Variants in SYNE1 observed in about 807,000 individuals in gnomAD.
The protein encoded by SYNE1 is spectrin repeat containing nuclear envelope protein 1.
A neutral mutation model predicts 1,111.0 loss-of-function variants in SYNE1; 616 were observed. The observed-to-expected ratio is 0.55, with a 90% confidence interval of 0.52 to 0.59. SYNE1 has a LOEUF of 0.59. Ranked by LOEUF, SYNE1 falls within the 20% of genes least tolerant of loss-of-function variation. The pLI, the probability that SYNE1 is intolerant of heterozygous loss-of-function variation, is 0.00. For missense variants in SYNE1, 10,006 were observed against 10,417.0 expected, an observed-to-expected ratio of 0.96 and a Z score of 1.72; for synonymous variants, 3,855 against 3,825.8, an observed-to-expected ratio of 1.01 and a Z score of -0.28.
chr6:152,256,859 A>C lies in SYNE1; in HGVS notation c.18973-94T>G, dbSNP rs760108873. On this transcript the variant is annotated intron_variant, in intron 101 of 145. Transcript: ENST00000367255. ...GCATACTGAAATAGATGCTGAAAAC[A>C]CTGTCCATATGAAAATTTCTTCTAG... is the stretch of plus-strand genomic sequence containing the variant. 8 of 1,566,256 alleles carry C rather than the reference A, an allele frequency of 5.1e-6. No individual in the cohort carries two copies. The South Asian group carries it at 8.9e-5, about 17-fold the overall frequency.
intron 91 of SYNE1, among the ~76,000 whole-genome samples, chr6:152,304,253 G>T (rs1055470929): frequency 6.6e-6 from 1 of 152,068 alleles, no homozygotes; most frequent in Non-Finnish European, 1.5e-5. Context: ...GCAGATTACT[G>T]GACTCCTTGA....
rs749743156 is a variant in SYNE1 at position 152,206,314 on chromosome 6, C to G, written c.22873G>C (p.Val7625Leu). Residue 7625 changes from valine (V) to leucine (L), a missense_variant, in exon 126 of 146, where the codon GTG becomes CTG. Transcript: ENST00000367255. Reference protein sequence around the residue: ...LRQQGSYILTVEAGKQLLLSA... With the variant: ...LRQQGSYILTLEAGKQLLLSA... ...AGAAGGAGTTGCTTGCCAGCCTCCA[C>G]AGTCAGGATGTAGCTGCCTTGTTGC... 8 of 1,613,952 alleles carry G rather than the reference C, an allele frequency of 5.0e-6. No individual in the cohort carries two copies. In the African/African-American group the frequency reaches 1.1e-4, roughly 22 times the overall value.
chr6:152,190,257 A>G (rs1587360293), intron 127 of SYNE1, among the ~76,000 whole-genome samples: 1 of 152,278 alleles, frequency 6.6e-6, no homozygotes, highest in Middle Eastern at 3.4e-3. Flanking sequence ...ACTCAATCAC[A>G]TCTTCAGGCT....
chr6:152,256,769 T>C lies in SYNE1; in HGVS notation c.18973-4A>G. On this transcript the variant is annotated splice_region_variant and splice_polypyrimidine_tract_variant and intron_variant, in intron 101 of 145. Transcript: ENST00000367255. ...GTCGATTTGGCCTGCTATAAAGCTGTAGGCAAACAAAGGCAGCTTGTTGAA... is the reference window on the plus strand; with the variant it reads ...GTCGATTTGGCCTGCTATAAAGCTGCAGGCAAACAAAGGCAGCTTGTTGAA... The C allele has an allele frequency of 6.2e-7, 1 of 1,613,518 alleles. No individual in the cohort carries two copies. Among genetic ancestry groups the C allele is most frequent in the Non-Finnish European group, 8.5e-7 (1 of 1,179,610 alleles).
Position 152,158,286 on chromosome 6 carries a change from A to G in SYNE1, c.23791-2189T>C, listed in dbSNP as rs372463667. Among the ~76,000 whole-genome samples the G allele has an allele frequency of 1.6e-4, 25 of 152,156 alleles. 1 individual carries two copies. The highest frequency in any genetic ancestry group is 5.8e-4 in the African/African-American group (24 of 41,516). On this transcript the variant is annotated intron_variant, in intron 131 of 145. Coordinates refer to ENST00000367255, the MANE Select transcript of SYNE1 (RefSeq NM_182961.4). The stretch of plus-strand genomic sequence containing the variant: ...TCATTTTTTGTTTACTATATTCATC[A>G]ATGTCCTTAATGTGTTTTCCTTTTC...
intron 3 of SYNE1, among the ~76,000 whole-genome samples, chr6:152,567,469 A>G (rs2099417763): frequency 6.6e-6 from 1 of 152,234 alleles, no homozygotes; most frequent in South Asian, 2.1e-4. Context: ...TGAAGTATAT[A>G]TAACAGATAA....
Position 152,369,505 on chromosome 6 carries a change from A to G in SYNE1, c.9617T>C (p.Leu3206Pro). ...VHESSNRLYDLPAKRREQQKL... is the reference protein window; with the variant it reads ...VHESSNRLYDPPAKRREQQKL... ...CTGCTGCTCCCTCCTCTTTGCTGGC[A>G]GATCATAGAGGCGATTGCTGCTTTC... Residue 3206 changes from leucine to proline, a missense_variant, in exon 60 of 146, where the codon CTG becomes CCG. Physicochemically the swap from Leu to Pro is moderately conservative, Grantham distance 98 (BLOSUM62 -3). Coordinates refer to ENST00000367255, the MANE Select transcript of SYNE1 (RefSeq NM_182961.4). 1 of 1,614,150 alleles carries G rather than the reference A, an allele frequency of 6.2e-7. No homozygotes were observed. The highest frequency in any genetic ancestry group is 8.5e-7 in the Non-Finnish European group (1 of 1,180,032).
At chr6:152,440,712 T>A (rs962309263) in intron 32 of SYNE1, among the ~76,000 whole-genome samples, 1 of 151,588 alleles carries the variant, frequency 6.6e-6, no homozygotes, top group African/African-American at 2.4e-5. Context: ...GGACTACAGG[T>A]GTGTGTCACC....
At chr6:152,423,638 C>A (rs1353100297) in intron 39 of SYNE1, among the ~76,000 whole-genome samples, 1 of 152,190 alleles carries the variant, frequency 6.6e-6, no homozygotes, top group African/African-American at 2.4e-5. Flanking sequence ...ACAGGGCATT[C>A]CCTGTCCTTA....
At chr6:152,260,482 C>A (rs1036228375) in intron 101 of SYNE1, among the ~76,000 whole-genome samples, 3 of 152,140 alleles carry the variant, frequency 2.0e-5, no homozygotes, top group African/African-American at 7.2e-5. Context: ...TTTCCCAGGG[C>A]AGAGCTGGTG....
chr6:152,441,025 GATTAA>G, intron 32 of SYNE1, 100 bp downstream of exon 32: 1 of 1,373,818 alleles, frequency 7.3e-7, no homozygotes, highest in South Asian at 1.2e-5. Flanking sequence ...AGTAAGTATT[GATTAA>G]ATTAACAATA....
intron 141 of SYNE1, 113 bp from the exon 142 acceptor site, chr6:152,135,345 T>A: frequency 8.7e-7 from 1 of 1,155,976 alleles, no homozygotes. Context: ...AGAACATACA[T>A]GCAACTCCTT....
At chr6:152,139,905 G>A (rs1035512031) in intron 140 of SYNE1, 45 bp downstream of exon 140, 1 of 1,576,714 alleles carries the variant, frequency 6.3e-7, no homozygotes, top group Non-Finnish European at 8.6e-7. Context: ...CGTTCACGCG[G>A]TGGCTCTCTG....
At chr6:152,234,542 T>C in intron 111 of SYNE1, 126 bp downstream of exon 111, 3 of 1,088,390 alleles carry the variant, frequency 2.8e-6, no homozygotes, top group Non-Finnish European at 4.2e-6. Flanking sequence ...ATCTGACTGC[T>C]TGGCCTCCCA....
intron 14 of SYNE1, among the ~76,000 whole-genome samples, chr6:152,478,014 G>T (rs781102260): frequency 4.6e-5 from 7 of 152,132 alleles, no homozygotes; most frequent in African/African-American, 9.7e-5. Context: ...TGCTCCTCCT[G>T]CCTTGGCTTC....
At position 152,331,323 on chromosome 6, in the gene SYNE1, C is replaced by T; in HGVS notation, c.13362G>A (p.Glu4454=). 6.2e-7 allele frequency: 1 copy of T among 1,614,140 alleles called. No individual in the cohort carries two copies. The highest frequency in any genetic ancestry group is 2.2e-5 in the East Asian group (1 of 44,890). ...RRKYLNKALS[E]KTQFLMAVFQ... ...ACACTGCCATGAGAAACTGGGTTTT[C>T]TCGGACAAGGCTTTGTTTAAGTACT... Residue 4454 remains glutamate, a synonymous_variant, in exon 78 of 146, where the codon GAG becomes GAA. Transcript: ENST00000367255.
Position 152,390,293 on chromosome 6 carries a change from C to A in SYNE1, c.8164G>T (p.Val2722Phe). Residue 2722 changes from valine (V) to phenylalanine (F), a missense_variant, in exon 53 of 146, where the codon GTC becomes TTC. Around this residue, in one of 7 missense-constraint regions of SYNE1, gnomAD observed 4,955 missense variants for 5,017.2 expected, o/e 0.99. Coordinates refer to ENST00000367255, the MANE Select transcript of SYNE1 (RefSeq NM_182961.4). ...TAGGTTCTGTACCTTTGAGCGTGGA[C>A]GGAGGAGCTCATGATGTCAGCCCAC... ...EVWADIMSSS[V>F]HAQSTLESVI... The A allele has an allele frequency of 6.2e-7, 1 of 1,613,948 alleles. No homozygotes were observed. The highest frequency in any genetic ancestry group is 8.5e-7 in the Non-Finnish European group (1 of 1,179,946).
At chr6:152,287,971 A>T (rs2153745770) in intron 95 of SYNE1, among the ~76,000 whole-genome samples, 1 of 152,366 alleles carries the variant, frequency 6.6e-6, no homozygotes, top group Non-Finnish European at 1.5e-5. Context: ...TTTTTTATAC[A>T]TTCAAAGTAT....
At chr6:152,273,129 T>A (rs1029089877) in intron 98 of SYNE1, among the ~76,000 whole-genome samples, 35 of 152,314 alleles carry the variant, frequency 2.3e-4, no homozygotes, top group African/African-American at 7.9e-4. Flanking sequence ...ACTACCACAT[T>A]TTTCTGTATT....
Sources: allele counts gnomAD v4.1 joint callset (sites outside exome capture counted in the v4.1 genomes callset), GRCh38; gene constraint gnomAD v4.1.1; regional missense constraint gnomAD v4.1.1; transcripts MANE v1.5; gene names NCBI Gene and HGNC (gene_info 2026-07-23, HGNC 2026-07-21).